SRP19: variants seen among roughly 807,000 people sequenced by gnomAD.
SRP19 encodes the protein signal recognition particle 19.
SRP19 carries 11 observed loss-of-function variants against 22.4 expected under a neutral mutation model. The ratio of observed to expected loss-of-function variants is 0.49; its 90% CI spans 0.31 to 0.81. The LOEUF (loss-of-function observed/expected upper bound fraction) is 0.81. Among genes scored for constraint, SRP19 ranks in the 40% least tolerant of loss-of-function variants. The pLI is 0.05. For synonymous variants in SRP19, 61 were observed against 57.6 expected (o/e 1.06, Z -0.27); for missense variants, 168 against 175.9 (o/e 0.96, Z 0.25).
At chr5:112,865,229 T>A (rs1430358280) in intron 4 of SRP19, 2 of 152,404 alleles carry the variant, frequency 1.3e-5, no homozygotes, top group Admixed American at 1.3e-4. Flanking sequence ...GTAATGTTGC[T>A]TATTGGCATT....
chr5:112,878,789 G>A, intron 4 of SRP19: 1 of 1,614,112 alleles, frequency 6.2e-7, no homozygotes, highest in Non-Finnish European at 8.5e-7. Flanking sequence ...GTCTGGTTTA[G>A]GTGCTCTTCT....
chr5:112,867,215 C>T (rs1485942124), intron 4 of SRP19, among the ~76,000 whole-genome samples, 189 bp from the exon 5 acceptor site: 4 of 152,194 alleles, frequency 2.6e-5, no homozygotes, highest in African/African-American at 7.2e-5. Flanking sequence ...CAGCATTATT[C>T]TCACTCTCAG....
intron 1 of SRP19, among the ~76,000 whole-genome samples, chr5:112,861,887 G>T (rs1020515016): frequency 6.6e-6 from 1 of 151,896 alleles, no homozygotes; most frequent in Admixed American, 6.6e-5. Flanking sequence ...CTATTCCTGT[G>T]GTTTTTTTCC....
downstream of SRP19, among the ~76,000 whole-genome samples, chr5:112,872,393 A>G (rs1767779317): frequency 6.8e-6 from 1 of 147,724 alleles, no homozygotes; most frequent in South Asian, 2.1e-4. Flanking sequence ...CAGTGGCACA[A>G]TCTCAGCCCA....
chr5:112,889,444 TA>T (rs1223999812), intron 4 of SRP19, among the ~76,000 whole-genome samples: 1 of 150,706 alleles, frequency 6.6e-6, no homozygotes, highest in Non-Finnish European at 1.5e-5. Context: ...GCAAAATAAG[TA>T]AATAGGATGA....
At chr5:112,880,911 T>C (rs1339697797) in intron 4 of SRP19, among the ~76,000 whole-genome samples, 1 of 152,090 alleles carries the variant, frequency 6.6e-6, no homozygotes, top group African/African-American at 2.4e-5. Flanking sequence ...GGTGGATCAC[T>C]TGAGGCCAGG....
downstream of SRP19, chr5:112,897,263 T>C (rs2150042493): frequency 6.6e-6 from 1 of 151,818 alleles, no homozygotes; most frequent in East Asian, 1.9e-4. Flanking sequence ...CACAGACCAA[T>C]ATATTTGCAC....
intron 4 of SRP19, chr5:112,885,839 CT>C: frequency 5.0e-6 from 1 of 199,826 alleles, no homozygotes; most frequent in Non-Finnish European, 1.1e-5. Context: ...ACCTCTCAGC[CT>C]TTTAGAGAAT....
chr5:112,870,189 T>C (rs1027291453), downstream of SRP19, among the ~76,000 whole-genome samples: 2 of 152,072 alleles, frequency 1.3e-5, no homozygotes, highest in African/African-American at 4.8e-5. Context: ...AAGAAAGTAG[T>C]TGAGAATGCA....
intron 4 of SRP19, among the ~76,000 whole-genome samples, chr5:112,880,682 T>C (rs1203170197): frequency 2.0e-5 from 3 of 152,222 alleles, no homozygotes; most frequent in South Asian, 2.1e-4. Context: ...TATTTAGGAA[T>C]GTGTCATAAC....
At chr5:112,896,646 A>T (rs1004925405), downstream of SRP19, 1 of 152,176 alleles carries the variant, frequency 6.6e-6, no homozygotes, top group African/African-American at 2.4e-5. Flanking sequence ...TGTTCTAAAA[A>T]TAAATCTAGC....
intron 4 of SRP19, among the ~76,000 whole-genome samples, chr5:112,880,273 TCTTA>T (rs1317838933): frequency 6.6e-6 from 1 of 152,176 alleles, no homozygotes; most frequent in Admixed American, 6.5e-5. Context: ...AAATATATTT[TCTTA>T]CTTCTGCAGG....
downstream of SRP19, among the ~76,000 whole-genome samples, chr5:112,871,243 A>ATTT (rs10592964): frequency 8.7e-4 from 82 of 93,948 alleles, 5 homozygotes; most frequent in African/African-American, 3.4e-3. Flanking sequence ...CAATCAGTGA[A>ATTT]TTTTTTTTTT....
Position 112,867,906 on chromosome 5 carries a change from G to A in SRP19, c.*369G>A. The A allele has an allele frequency of 1.0e-6, 1 of 990,626 alleles. No homozygotes were observed. Among genetic ancestry groups the A allele is most frequent in the Non-Finnish European group, 1.2e-6 (1 of 832,538 alleles). The allele number at this position is 990,626 out of a possible 1,614,324, so 61.4% of individuals were successfully genotyped here. On this transcript the variant is annotated 3_prime_UTR_variant, in exon 5 of 5. Transcript: ENST00000505459. Reference sequence around the variant, plus strand: ...AGTTAATGAAATAAAATTTGAAACTGACTTTTGCAGCTTTTGCTTATATAC... The same window carrying A: ...AGTTAATGAAATAAAATTTGAAACTAACTTTTGCAGCTTTTGCTTATATAC...
At chr5:112,894,530 T>C (rs1768619403), downstream of SRP19, 1 of 152,242 alleles carries the variant, frequency 6.6e-6, no homozygotes, top group Admixed American at 6.5e-5. Context: ...AGGAAATGTC[T>C]TGAGTAACAT....
chr5:112,885,412 C>G lies in SRP19; in HGVS notation c.302-6191C>G, dbSNP rs141348618. 78 of 189,746 alleles carry G rather than the reference C, an allele frequency of 4.1e-4. 1 individual carries two copies. Among genetic ancestry groups the G allele is most frequent in the African/African-American group, 1.8e-3 (76 of 42,132 alleles). The allele number at this position is 189,746 out of a possible 1,614,324, so 11.8% of individuals were successfully genotyped here. ...CGTAGTTGAGAACCATGAGTGAAGA[C>G]AGCACTTGGGGATGGATGCTCTGGT... On this transcript the variant is annotated intron_variant, in intron 4 of 4. Transcript: ENST00000391338.
chr5:112,878,550 G>A (rs1767966202), intron 4 of SRP19: 1 of 514,362 alleles, frequency 1.9e-6, no homozygotes, highest in South Asian at 3.6e-5. Flanking sequence ...CCTACCCAGA[G>A]GCAAAATACA....
At chr5:112,893,865 C>T (rs1332087584), downstream of SRP19, 1 of 152,248 alleles carries the variant, frequency 6.6e-6, no homozygotes, top group East Asian at 1.9e-4. Flanking sequence ...AGCAACTCTG[C>T]TCTAGCATGC....
At chr5:112,891,704 A>T in exon 5 of SRP19, 2 of 1,614,154 alleles carry the variant, frequency 1.2e-6, no homozygotes, top group Non-Finnish European at 1.7e-6. Context: ...CCAAGCCACA[A>T]AAAGTACAGG....
Sources: gnomAD v4.1 joint callset for allele counts (sites outside exome capture counted in the v4.1 genomes callset) on GRCh38, gnomAD v4.1.1 for gene constraint, MANE v1.5 for transcripts, NCBI Gene and HGNC (gene_info 2026-07-23, HGNC 2026-07-21) for gene names.